The following SLC35F2 variants were observed in gnomAD, a reference collection of about 807,000 sequenced individuals.
SLC35F2 encodes queuine/queuosine transporter SLC35F2.
In SLC35F2, 25 loss-of-function variants were observed where a neutral mutation model predicts 38.1. That is an observed-to-expected ratio of 0.66 (90% confidence interval 0.48 to 0.92). The LOEUF is 0.92. Among genes scored for constraint, SLC35F2 ranks in the 40% least tolerant of loss-of-function variants. The pLI is 0.00. For synonymous variants in SLC35F2, 173 were observed against 181.7 expected, an observed-to-expected ratio of 0.95 and a Z score of 0.38; for missense variants, 409 against 452.9, an observed-to-expected ratio of 0.90 and a Z score of 0.88.
chr11:107,844,083 C>T (rs2134849357), intron 1 of SLC35F2, among the ~76,000 whole-genome samples: 1 of 151,614 alleles, frequency 6.6e-6, no homozygotes, highest in African/African-American at 2.4e-5. Flanking sequence ...ACAAATAATC[C>T]AGAACAGGCC....
intron 7 of SLC35F2, among the ~76,000 whole-genome samples, chr11:107,795,861 C>T (rs1365331859): frequency 6.6e-6 from 1 of 152,158 alleles, no homozygotes; most frequent in African/African-American, 2.4e-5. Context: ...AGGCCAGGTG[C>T]GGTGGCCCAC....
chr11:107,797,049 G>T (rs192460389), intron 7 of SLC35F2, among the ~76,000 whole-genome samples: 29 of 152,260 alleles, frequency 1.9e-4, no homozygotes, highest in African/African-American at 6.0e-4. Flanking sequence ...AGCAGAGTAG[G>T]TTGACTACAG....
intron 1 of SLC35F2, among the ~76,000 whole-genome samples, chr11:107,834,711 A>T (rs1204701945): frequency 6.6e-6 from 1 of 152,222 alleles, no homozygotes; most frequent in Non-Finnish European, 1.5e-5. Flanking sequence ...AGCCGTAAAA[A>T]TACAGGCTAA....
intron 7 of SLC35F2, among the ~76,000 whole-genome samples, chr11:107,795,908 T>C (rs901502092): frequency 6.6e-6 from 1 of 151,730 alleles, no homozygotes; most frequent in African/African-American, 2.4e-5. Context: ...CTGAGGCGGG[T>C]GGATCACCTG....
chr11:107,854,373 CAGTA>C (rs1282758342), intron 1 of SLC35F2, among the ~76,000 whole-genome samples: 1 of 151,880 alleles, frequency 6.6e-6, no homozygotes, highest in Non-Finnish European at 1.5e-5. Flanking sequence ...GTCGAGGCTG[CAGTA>C]AGCCATGATC....
chr11:107,810,919 C>T (rs1859470148), intron 3 of SLC35F2: 3 of 979,158 alleles, frequency 3.1e-6, no homozygotes, highest in Admixed American at 1.2e-4. Flanking sequence ...AAGTTATAAA[C>T]TTCAAATCCC....
At chr11:107,853,855 A>C (rs1860232824) in intron 1 of SLC35F2, among the ~76,000 whole-genome samples, 1 of 151,992 alleles carries the variant, frequency 6.6e-6, no homozygotes, top group Non-Finnish European at 1.5e-5. Flanking sequence ...TAAATATATA[A>C]AATAATAATT....
intron 1 of SLC35F2, among the ~76,000 whole-genome samples, chr11:107,830,817 G>C (rs553681436): frequency 1.3e-5 from 2 of 151,978 alleles, no homozygotes; most frequent in Non-Finnish European, 2.9e-5. Flanking sequence ...TTAGTTAAAA[G>C]AGAGAGAGAA....
At chr11:107,824,807 CTT>C (rs1428466784) in intron 1 of SLC35F2, among the ~76,000 whole-genome samples, 2 of 152,210 alleles carry the variant, frequency 1.3e-5, no homozygotes, top group African/African-American at 4.8e-5. Context: ...TTGGTAACCT[CTT>C]GACCATACCT....
chr11:107,847,266 G>A (rs143846225), intron 1 of SLC35F2, among the ~76,000 whole-genome samples: 1 of 152,124 alleles, frequency 6.6e-6, no homozygotes, highest in African/African-American at 2.4e-5. Flanking sequence ...GCCCAGGCTG[G>A]TCTTGAACTC....
intron 3 of SLC35F2, chr11:107,810,748 T>C: frequency 2.0e-6 from 2 of 978,856 alleles, no homozygotes; most frequent in Non-Finnish European, 2.4e-6. Flanking sequence ...ATAATGGTAG[T>C]AACATTTAAT....
chr11:107,843,868 A>AATAT lies in SLC35F2; in HGVS notation c.110+14786_110+14789dup, dbSNP rs1178673709. Among the ~76,000 whole-genome samples the AATAT allele has an allele frequency of 5.0e-3, 235 of 46,776 alleles. 3 individuals are homozygous for AATAT. Among genetic ancestry groups the AATAT allele is most frequent in the Middle Eastern group, 0.019 (1 of 52 alleles). 30.7% of individuals were successfully genotyped at this position (46,776 alleles called of 152,430 possible). A position where few individuals can be genotyped will look rare whatever the true frequency, so the allele number is the denominator to read the frequency against. On this transcript the variant is annotated intron_variant, in intron 1 of 7. Coordinates refer to ENST00000525815, the MANE Select transcript of SLC35F2 (RefSeq NM_017515.5). Reference sequence around the variant, plus strand: ...TCTTAAAAAAAAAAAAAAAAAAAAAAATATATATATATATATATATATATA... The same window carrying AATAT: ...TCTTAAAAAAAAAAAAAAAAAAAAAAATATATATATATATATATATATATATATA...
intron 1 of SLC35F2, among the ~76,000 whole-genome samples, chr11:107,836,366 TGG>T (rs1859932400): frequency 6.6e-6 from 1 of 151,924 alleles, no homozygotes; most frequent in Non-Finnish European, 1.5e-5. Flanking sequence ...GCATCATTTC[TGG>T]GTTCTACCAC....
intron 2 of SLC35F2, 124 bp from the exon 3 acceptor site, chr11:107,811,918 T>G: frequency 2.2e-6 from 2 of 899,332 alleles, no homozygotes; most frequent in Non-Finnish European, 1.7e-6. Context: ...CTTCTTCTTT[T>G]TGAGATAGGG....
Position 107,816,015 on chromosome 11 carries a change from TACACACACACACACACAC to T in SLC35F2, c.111-68_111-51del, listed in dbSNP as rs370565333. On this transcript the variant is annotated intron_variant, in intron 1 of 7. Coordinates refer to ENST00000525815, the MANE Select transcript of SLC35F2 (RefSeq NM_017515.5). ...AACAGCATGCAAATAAGTTATACCT[TACACACACACACACACAC>T]ACACACACACACACACACACTGCTA... 51 of 1,228,836 alleles carry T rather than the reference TACACACACACACACACAC, an allele frequency of 4.2e-5. 1 individual carries two copies. The highest frequency in any genetic ancestry group is 5.2e-5 in the Non-Finnish European group (48 of 929,974). The allele number at this position is 1,228,836 out of a possible 1,614,324, so 76.1% of individuals were successfully genotyped here. A position where few individuals can be genotyped will look rare whatever the true frequency, so the allele number is the denominator to read the frequency against.
intron 3 of SLC35F2, chr11:107,809,588 T>C: frequency 1.5e-6 from 1 of 660,352 alleles, no homozygotes; most frequent in African/African-American, 2.0e-5. Context: ...GCCAAGATCA[T>C]GCCATTGTAC....
intron 1 of SLC35F2, among the ~76,000 whole-genome samples, chr11:107,850,331 G>T (rs946907356): frequency 1.4e-4 from 22 of 152,196 alleles, no homozygotes; most frequent in African/African-American, 5.1e-4. Flanking sequence ...CGGAACCACA[G>T]AATACTCTGT....
At chr11:107,804,072 A>G (rs12800608) in intron 6 of SLC35F2, among the ~76,000 whole-genome samples, 22,538 of 149,662 alleles carry the variant, frequency 0.15, 2,736 homozygotes, top group East Asian at 0.43. Context: ...TCCTGACCTC[A>G]TGATCCACCC....
intron 1 of SLC35F2, among the ~76,000 whole-genome samples, chr11:107,855,939 C>A (rs757709474): frequency 7.3e-5 from 11 of 151,294 alleles, no homozygotes; most frequent in Non-Finnish European, 1.5e-4. Flanking sequence ...ATGGTGAAAT[C>A]CTGTCTGTAT....
Sources: gnomAD v4.1 joint callset for allele counts (sites outside exome capture counted in the v4.1 genomes callset) on GRCh38, gnomAD v4.1.1 for gene constraint, MANE v1.5 for transcripts, NCBI Gene and HGNC (gene_info 2026-07-23, HGNC 2026-07-21) for gene names.